The following SLC35G2 variants were observed in gnomAD, a reference collection of about 807,000 sequenced individuals.
SLC35G2 encodes solute carrier family 35 member G2.
A neutral mutation model predicts 27.2 loss-of-function variants in SLC35G2; 20 were observed. The ratio of observed to expected loss-of-function variants is 0.74; its 90% CI spans 0.52 to 1.07. The LOEUF (loss-of-function observed/expected upper bound fraction) is 1.07. Among genes scored for constraint, SLC35G2 ranks in the 50% least tolerant of loss-of-function variants. The pLI is 0.00. For synonymous variants in SLC35G2, 148 were observed against 165.3 expected (o/e 0.90, Z 0.80); for missense variants, 416 against 493.3 (o/e 0.84, Z 1.48).
intron 1 of SLC35G2, among the ~76,000 whole-genome samples, chr3:136,847,777 T>G (rs1175358084): frequency 1.3e-5 from 2 of 152,090 alleles, no homozygotes; most frequent in African/African-American, 4.8e-5. Context: ...GAGACCAGCC[T>G]GGCCAACATG....
chr3:136,827,433 C>A (rs1208743613), intron 1 of SLC35G2, among the ~76,000 whole-genome samples: 1 of 152,148 alleles, frequency 6.6e-6, no homozygotes, highest in African/African-American at 2.4e-5. Flanking sequence ...AGGCTGGTCT[C>A]AAATTACTGG....
In SLC35G2 at chr3:136,853,454, A is replaced by G. The variant is rs1406179337; in HGVS notation, c.-18-989A>G. Reference sequence around the variant, plus strand: ...ATTCCATTGTATGAACATTCATTGTAGTAAGCTACAATGAACTCTCCTGTA... The same window carrying G: ...ATTCCATTGTATGAACATTCATTGTGGTAAGCTACAATGAACTCTCCTGTA... On this transcript the variant is annotated intron_variant, in intron 1 of 1. Transcript: ENST00000446465. 2.6e-5 allele frequency among the ~76,000 whole-genome samples: 4 copies of G among 152,156 alleles called. No homozygotes were observed. The East Asian group carries it at 7.7e-4, about 29-fold the overall frequency.
intron 1 of SLC35G2, among the ~76,000 whole-genome samples, chr3:136,834,563 C>G (rs556005927): frequency 6.6e-6 from 1 of 152,296 alleles, no homozygotes; most frequent in South Asian, 2.1e-4. Context: ...CTCCTGACCT[C>G]AGGTGATCAG....
intron 1 of SLC35G2, among the ~76,000 whole-genome samples, chr3:136,847,093 C>T (rs901696796): frequency 8.5e-5 from 13 of 152,238 alleles, no homozygotes; most frequent in African/African-American, 3.1e-4. Flanking sequence ...AGGAGAATCA[C>T]TTGAACCTGG....
At chr3:136,820,873 T>C (rs1252183080) in intron 1 of SLC35G2, among the ~76,000 whole-genome samples, 1 of 152,096 alleles carries the variant, frequency 6.6e-6, no homozygotes, top group East Asian at 1.9e-4. Flanking sequence ...AGAACAAAAG[T>C]CTAGGAAGAT....
chr3:136,854,919 C>T lies in SLC35G2; in HGVS notation c.459C>T (p.Tyr153=). The T allele has an allele frequency of 6.2e-7, 1 of 1,614,118 alleles. No individual in the cohort carries two copies. The highest frequency in any genetic ancestry group is 8.5e-7 in the Non-Finnish European group (1 of 1,180,010). The change falls in exon 2 of 2, where the codon TAC becomes TAT. Residue 153 remains tyrosine (Y), a synonymous_variant. Coordinates refer to ENST00000446465, the MANE Select transcript of SLC35G2 (RefSeq NM_025246.3). The part of the protein sequence containing the change: ...FQVLSVLVVC[Y]YQEAPFGPSG... ...TCTTATCTGTGTTAGTTGTGTGTTA[C>T]TATCAGGAGGCCCCCTTTGGACCCA...
rs1416907452 is a variant in SLC35G2 at position 136,832,471 on chromosome 3, A to G, written c.-19+12843A>G. 2.0e-5 allele frequency among the ~76,000 whole-genome samples: 3 copies of G among 152,328 alleles called. No homozygotes were observed. The Middle Eastern group carries it at 0.01, about 518-fold the overall frequency. On this transcript the variant is annotated intron_variant, in intron 1 of 1. Coordinates refer to ENST00000446465, the MANE Select transcript of SLC35G2 (RefSeq NM_025246.3). ...CATATTCTGATGTTAAAGCAAATCT[A>G]TAGTTAATTGTATAATTTCCTTCCT...
At chr3:136,848,861 C>T (rs979518887) in intron 1 of SLC35G2, among the ~76,000 whole-genome samples, 8 of 152,056 alleles carry the variant, frequency 5.3e-5, no homozygotes, top group African/African-American at 1.9e-4. Flanking sequence ...ATGGATACAC[C>T]AGAATCCTAA....
chr3:136,851,655 A>C (rs1319956980), intron 1 of SLC35G2, among the ~76,000 whole-genome samples: 1 of 152,166 alleles, frequency 6.6e-6, no homozygotes, highest in East Asian at 1.9e-4. Context: ...TGAAGACCTA[A>C]GTACTGATAG....
At chr3:136,843,921 G>A (rs958886755) in intron 1 of SLC35G2, among the ~76,000 whole-genome samples, 1 of 152,100 alleles carries the variant, frequency 6.6e-6, no homozygotes, top group African/African-American at 2.4e-5. Context: ...GTGGCAGAGT[G>A]GGACTCTGTC....
At chr3:136,827,219 T>C (rs1204631735) in intron 1 of SLC35G2, among the ~76,000 whole-genome samples, 2 of 151,976 alleles carry the variant, frequency 1.3e-5, no homozygotes, top group East Asian at 3.8e-4. Context: ...CTAAGTTTTT[T>C]TTTTTTCCTT....
In SLC35G2 at chr3:136,854,983, A is replaced by C; in HGVS notation, c.523A>C (p.Asn175His). Residue 175 changes from asparagine to histidine, a missense_variant, in exon 2 of 2, where the codon AAT becomes CAT. Transcript: ENST00000446465. ...RLRLFFYGVC[N>H]VISITCAYTS... is the part of the protein sequence containing the mutation. ...ACGACTCTTCTTTTATGGTGTATGC[A>C]ATGTCATTTCTATCACTTGTGCTTA... 1 of 1,614,156 alleles carries C rather than the reference A, an allele frequency of 6.2e-7. No homozygotes were observed. Among genetic ancestry groups the C allele is most frequent in the Non-Finnish European group, 8.5e-7 (1 of 1,180,030 alleles).
At position 136,829,086 on chromosome 3, in the gene SLC35G2, C is replaced by T. The variant is rs187503061; in HGVS notation, c.-19+9458C>T. On this transcript the variant is annotated intron_variant, in intron 1 of 1. Coordinates refer to ENST00000446465, the MANE Select transcript of SLC35G2 (RefSeq NM_025246.3). ...CTCTTTACATCTATTGTACTGTCTACGTCTTGAAAATTTATTTTTGATTGG... is the reference window on the plus strand; with the variant it reads ...CTCTTTACATCTATTGTACTGTCTATGTCTTGAAAATTTATTTTTGATTGG... Among the ~76,000 whole-genome samples the T allele has an allele frequency of 1.6e-3, 245 of 152,246 alleles. 1 individual carries two copies. Among genetic ancestry groups the T allele is most frequent in the African/African-American group, 4.9e-3 (202 of 41,538 alleles).
At chr3:136,836,541 G>A (rs1181619180) in intron 1 of SLC35G2, among the ~76,000 whole-genome samples, 1 of 152,210 alleles carries the variant, frequency 6.6e-6, no homozygotes, top group South Asian at 2.1e-4. Context: ...CAATGGAGTT[G>A]ATTTGTGAAA....
At chr3:136,853,745 C>A (rs550390399) in intron 1 of SLC35G2, among the ~76,000 whole-genome samples, 1 of 152,076 alleles carries the variant, frequency 6.6e-6, no homozygotes, top group South Asian at 2.1e-4. Context: ...TAAAAAGCAT[C>A]TTGTGATCAT....
chr3:136,820,028 G>C (rs1936407520), intron 1 of SLC35G2: 1 of 152,308 alleles, frequency 6.6e-6, no homozygotes, highest in Non-Finnish European at 1.5e-5. Context: ...AAGAAGGGTC[G>C]CGCGGGCCGG....
intron 1 of SLC35G2, among the ~76,000 whole-genome samples, chr3:136,822,978 C>A (rs977940757): frequency 6.6e-6 from 1 of 152,146 alleles, no homozygotes; most frequent in Non-Finnish European, 1.5e-5. Context: ...TTTTTTGAGG[C>A]ACCTCCAAAC....
At position 136,834,655 on chromosome 3, in the gene SLC35G2, A is replaced by G. The variant is rs193302369; in HGVS notation, c.-19+15027A>G. Reference sequence around the variant, plus strand: ...GTTTAAAATTCAGGACTTCATCATCACCACCACCACTGTCTCACTATCACC... The same window carrying G: ...GTTTAAAATTCAGGACTTCATCATCGCCACCACCACTGTCTCACTATCACC... On this transcript the variant is annotated intron_variant, in intron 1 of 1. Transcript: ENST00000446465. Among the ~76,000 whole-genome samples the G allele has an allele frequency of 3.9e-3, 594 of 152,238 alleles. 2 individuals carry two copies. The highest frequency in any genetic ancestry group is 0.031 in the Middle Eastern group (9 of 292).
rs569498885 is a variant in SLC35G2 at position 136,819,480 on chromosome 3, C to T, written c.-167C>T. 6.6e-6 allele frequency: 1 copy of T among 152,364 alleles called. No individual in the cohort carries two copies. Among genetic ancestry groups the T allele is most frequent in the Admixed American group, 6.5e-5 (1 of 15,312 alleles). The allele number at this position is 152,364 out of a possible 1,614,324, so 9.4% of individuals were successfully genotyped here. On this transcript the variant is annotated 5_prime_UTR_variant, in exon 1 of 2. Coordinates refer to ENST00000446465, the MANE Select transcript of SLC35G2 (RefSeq NM_025246.3). ...TCTCTGTGCTGCCCTCCTGGAGAAC[C>T]GGGACACGGGGACGGGAGGGCCAGC...
Sources: gnomAD v4.1 joint callset for allele counts (sites outside exome capture counted in the v4.1 genomes callset) on GRCh38, gnomAD v4.1.1 for gene constraint, MANE v1.5 for transcripts, NCBI Gene and HGNC (gene_info 2026-07-23, HGNC 2026-07-21) for gene names.